Variants in NCOR2 observed in about 807,000 individuals in gnomAD.
The protein encoded by NCOR2 is CTG repeat protein 26.
NCOR2 carries 81 observed loss-of-function variants against 262.9 expected under a neutral mutation model. The observed-to-expected ratio is 0.31, with a 90% CI of 0.26 to 0.37. The LOEUF (loss-of-function observed/expected upper bound fraction) is 0.37. Ranked by LOEUF, NCOR2 falls within the 10% of genes least tolerant of loss-of-function variation. The pLI, the probability that NCOR2 is intolerant of heterozygous loss-of-function variation, is 1.00. For synonymous variants in NCOR2, 1,659 were observed against 1,559.3 expected, an observed-to-expected ratio of 1.06 and a Z score of -1.51; for missense variants, 3,385 against 3,621.4, an observed-to-expected ratio of 0.93 and a Z score of 1.68.
intron 17 of NCOR2, among the ~76,000 whole-genome samples, chr12:124,381,584 T>TA (rs1309827007): frequency 6.6e-6 from 1 of 152,218 alleles, no homozygotes; most frequent in Non-Finnish European, 1.5e-5. Context: ...ATGAACCTGA[T>TA]AGACAGTGAC....
intron 20 of NCOR2, among the ~76,000 whole-genome samples, chr12:124,365,327 C>T (rs1304894618): frequency 1.3e-5 from 2 of 152,226 alleles, no homozygotes; most frequent in Non-Finnish European, 2.9e-5. Context: ...TCACAGCCTA[C>T]TGGCCTCGAG....
chr12:124,332,258 C>T, intron 43 of NCOR2, 61 bp downstream of exon 45: 2 of 1,599,050 alleles, frequency 1.3e-6, no homozygotes, highest in South Asian at 1.1e-5. Flanking sequence ...TCCAGCTGCC[C>T]AGGCAGGCCA....
chr12:124,336,944 C>T, exon 38 of NCOR2: 2 of 1,548,094 alleles, frequency 1.3e-6, no homozygotes, highest in Non-Finnish European at 1.7e-6. Flanking sequence ...GGGCTCCGAG[C>T]CCTTGCTGGG....
chr12:124,439,091 C>A (rs2044622524), intron 7 of NCOR2, among the ~76,000 whole-genome samples: 4 of 107,038 alleles, frequency 3.7e-5, no homozygotes, highest in African/African-American at 1.1e-4. Flanking sequence ...AAACAGAGAC[C>A]CAGAGACAGA....
rs142349532 is a variant in NCOR2, at chr12:124,493,878, G to A, written c.105+1269C>T. On this transcript the variant is annotated intron_variant, in intron 1 of 46. Transcript: ENST00000405201. ...GGCAGCCTCCCCACTTAGGGCAATCGCACCTGAGGCCTGTGATTTAACCTC... is the reference window on the plus strand; with the variant it reads ...GGCAGCCTCCCCACTTAGGGCAATCACACCTGAGGCCTGTGATTTAACCTC... Among the ~76,000 whole-genome samples, 18 of 152,264 alleles carry A rather than the reference G, an allele frequency of 1.2e-4. No homozygotes were observed. The East Asian group carries it at 3.3e-3, about 28-fold the overall frequency.
chr12:124,487,203 C>T lies in NCOR2; in HGVS notation c.106-635G>A, dbSNP rs116878508. Reference sequence around the variant, plus strand: ...GCAGGGTGGGTAAGTGATGCCCACGCGAGGGAACGAGGCTCGGGCCTCACT... The same window carrying T: ...GCAGGGTGGGTAAGTGATGCCCACGTGAGGGAACGAGGCTCGGGCCTCACT... On this transcript the variant is annotated intron_variant, in intron 1 of 46. Coordinates refer to ENST00000405201, the Ensembl canonical transcript of NCOR2. Among the ~76,000 whole-genome samples, 27 of 152,258 alleles carry T rather than the reference C, an allele frequency of 1.8e-4. No individual in the cohort carries two copies. In the East Asian group the frequency reaches 5.0e-3, roughly 28 times the overall value.
intron 1 of NCOR2, among the ~76,000 whole-genome samples, chr12:124,532,607 C>T (rs12305514): frequency 0.011 from 1,686 of 152,342 alleles, 35 homozygotes; most frequent in African/African-American, 0.038. Flanking sequence ...AAGCTAAGTG[C>T]TTGCAGACAA....
chr12:124,552,286 T>C (rs901701362), intron 1 of NCOR2, among the ~76,000 whole-genome samples: 5 of 151,520 alleles, frequency 3.3e-5, no homozygotes, highest in Admixed American at 3.3e-4. Context: ...GGAGCTGGAC[T>C]CCAGCTTGGG....
At chr12:124,534,962 A>T (rs560016310) in intron 1 of NCOR2, among the ~76,000 whole-genome samples, 25 of 152,282 alleles carry the variant, frequency 1.6e-4, no homozygotes, top group African/African-American at 6.0e-4. Context: ...CCGCAGCAAA[A>T]CCCTATAAGG....
chr12:124,396,763 G>A (rs1450579315), intron 16 of NCOR2, among the ~76,000 whole-genome samples: 1 of 152,136 alleles, frequency 6.6e-6, no homozygotes, highest in Non-Finnish European at 1.5e-5. Context: ...GGTCTTCTCA[G>A]GGCTGTGGGG....
At chr12:124,398,181 G>A in exon 16 of NCOR2, 1 of 1,614,176 alleles carries the variant, frequency 6.2e-7, no homozygotes, top group Non-Finnish European at 8.5e-7. Flanking sequence ...CTCCATGGAG[G>A]CTGAAAAGAA....
In NCOR2 at chr12:124,503,609, C is replaced by CGGAT. The variant is rs1566004931; in HGVS notation, c.-117-8242_-117-8241insATCC. On this transcript the variant is annotated intron_variant, in intron 1 of 46. Coordinates refer to the NCOR2 transcript ENST00000404621. This position sits in a 1 kb window ranked among gnomAD's most constrained non-coding sequence, Gnocchi z 4.3. ...ATGGACGGATGGATGGATGGACGGA[C>CGGAT]GGACGGATGGATGGATGGATGGATG... Among the ~76,000 whole-genome samples, 1 of 128,976 alleles carries CGGAT rather than the reference C, an allele frequency of 7.8e-6. No homozygotes were observed. Among genetic ancestry groups the CGGAT allele is most frequent in the African/African-American group, 3.4e-5 (1 of 29,042 alleles). 84.6% of individuals were successfully genotyped at this position (128,976 alleles called of 152,430 possible).
intron 6 of NCOR2, among the ~76,000 whole-genome samples, chr12:124,451,333 A>T (rs1044091943): frequency 1.3e-5 from 2 of 152,224 alleles, no homozygotes; most frequent in African/African-American, 4.8e-5. Flanking sequence ...TGCTGCTTCA[A>T]GCCTCTAAAT....
chr12:124,560,697 G>C (rs2052039398), intron 1 of NCOR2, among the ~76,000 whole-genome samples: 1 of 152,238 alleles, frequency 6.6e-6, no homozygotes, highest in Non-Finnish European at 1.5e-5. Flanking sequence ...AGAGCATCTC[G>C]GAGGAAACTC....
At chr12:124,402,777 G>T (rs1565911682) in intron 13 of NCOR2, among the ~76,000 whole-genome samples, 1 of 152,184 alleles carries the variant, frequency 6.6e-6, no homozygotes, top group African/African-American at 2.4e-5. Context: ...GGGGCCTGGG[G>T]AGGCGGAGTC....
At chr12:124,499,290 G>C (rs573564730), upstream of NCOR2, among the ~76,000 whole-genome samples, 1 of 152,082 alleles carries the variant, frequency 6.6e-6, no homozygotes, top group East Asian at 1.9e-4. Context: ...CCATGTCGCC[G>C]CTGCGTCTGG....
At chr12:124,414,781 G>A (rs773921446) in intron 13 of NCOR2, among the ~76,000 whole-genome samples, 11 of 152,160 alleles carry the variant, frequency 7.2e-5, no homozygotes, top group African/African-American at 1.7e-4. Context: ...CCATCTTCCC[G>A]TGGTGCCTGG....
intron 16 of NCOR2, among the ~76,000 whole-genome samples, chr12:124,391,502 C>CGG (rs5801549): frequency 6.7e-6 from 1 of 148,676 alleles, no homozygotes; most frequent in African/African-American, 2.5e-5. Context: ...CAAGCCCTGG[C>CGG]GGGGGGGGGG....
At chr12:124,400,636 C>T in exon 15 of NCOR2, 2 of 1,614,204 alleles carry the variant, frequency 1.2e-6, no homozygotes, top group South Asian at 1.1e-5. Flanking sequence ...GCCTCCTTCT[C>T]GTCGTTGTCC....
Sources: allele counts gnomAD v4.1 joint callset (sites outside exome capture counted in the v4.1 genomes callset), GRCh38; gene constraint gnomAD v4.1.1; non-coding constraint Gnocchi (gnomAD v3.1); transcripts MANE v1.5; gene names NCBI Gene and HGNC (gene_info 2026-07-23, HGNC 2026-07-21).